Variants in DLG2 observed in about 807,000 individuals in gnomAD.
The protein encoded by DLG2 is discs large MAGUK scaffold protein 2.
In DLG2, 45 loss-of-function variants were observed where a neutral mutation model predicts 132.5. The observed-to-expected ratio is 0.34, with a 90% CI of 0.27 to 0.44. DLG2 has a LOEUF of 0.44. Ranked by LOEUF, DLG2 falls within the 20% of genes least tolerant of loss-of-function variation. The pLI is 1.00. For missense variants in DLG2, 1,045 were observed against 1,196.9 expected, an observed-to-expected ratio of 0.87 and a Z score of 1.87; for synonymous variants, 424 against 419.6, an observed-to-expected ratio of 1.01 and a Z score of -0.13.
At chr11:84,111,919 CT>C (rs1277776841) in intron 9 of DLG2, among the ~76,000 whole-genome samples, 8 of 152,130 alleles carry the variant, frequency 5.3e-5, no homozygotes, top group Non-Finnish European at 1.2e-4. Context: ...CCTTTTATTT[CT>C]ATTTCCACTG....
chr11:83,673,064 A>AAAAACAAAACAAAGC (rs2077099206), intron 18 of DLG2, among the ~76,000 whole-genome samples: 1 of 152,212 alleles, frequency 6.6e-6, no homozygotes, highest in Non-Finnish European at 1.5e-5. Flanking sequence ...AGGCTGTCTC[A>AAAAACAAAACAAAGC]AAAACAAAAC....
intron 6 of DLG2, among the ~76,000 whole-genome samples, chr11:84,558,716 C>G (rs549758882): frequency 4.9e-4 from 75 of 152,300 alleles, no homozygotes; most frequent in Non-Finnish European, 8.5e-4. Context: ...CATTCCAGCT[C>G]TCAGGGCATA....
intron 6 of DLG2, among the ~76,000 whole-genome samples, chr11:84,855,214 C>A (rs1460763353): frequency 1.3e-5 from 2 of 152,066 alleles, no homozygotes; most frequent in African/African-American, 4.8e-5. Context: ...ATTTGAATCT[C>A]ACACTTGGAT....
intron 2 of DLG2, among the ~76,000 whole-genome samples, chr11:85,613,059 TA>T (rs1416763597): frequency 6.6e-6 from 1 of 152,144 alleles, no homozygotes; most frequent in East Asian, 1.9e-4. Flanking sequence ...GTCCGGCGTT[TA>T]TAGGAAAAGG....
intron 7 of DLG2, among the ~76,000 whole-genome samples, chr11:84,443,793 T>G (rs1452409682): frequency 6.6e-6 from 1 of 151,172 alleles, no homozygotes; most frequent in Non-Finnish European, 1.5e-5. Context: ...AATCTTTTAT[T>G]ATGGGTTTTG....
chr11:84,093,156 C>G (rs1299878389), intron 10 of DLG2, among the ~76,000 whole-genome samples: 3 of 152,076 alleles, frequency 2.0e-5, no homozygotes, highest in Non-Finnish European at 4.4e-5. Flanking sequence ...TCTAGCACAG[C>G]GAGGCCAGAA....
At chr11:83,549,836 C>G (rs531825321) in intron 19 of DLG2, among the ~76,000 whole-genome samples, 2 of 152,286 alleles carry the variant, frequency 1.3e-5, no homozygotes, top group South Asian at 4.1e-4. Flanking sequence ...GTGCAGATTT[C>G]TAGTCCTGGC....
intron 5 of DLG2, among the ~76,000 whole-genome samples, chr11:85,151,142 T>C (rs1025501718): frequency 5.3e-5 from 8 of 152,226 alleles, no homozygotes; most frequent in Non-Finnish European, 1.0e-4. Context: ...TTTTCATAGA[T>C]GTATTGGCCA....
rs1352295821 is a variant in DLG2 at position 84,387,465 on chromosome 11, T to TA, written c.520-136175dup. ...ATATTACAATCTCCTCACAAAAAAA[T>TA]AAATAGCCAACTATGGTCAGTGTTC... On this transcript the variant is annotated intron_variant, in intron 7 of 27. Transcript: ENST00000376104. Among the ~76,000 whole-genome samples the TA allele has an allele frequency of 1.3e-5, 2 of 152,166 alleles. 1 individual carries two copies. Among genetic ancestry groups the TA allele is most frequent in the Middle Eastern group, 6.8e-3 (2 of 292 alleles).
intron 18 of DLG2, among the ~76,000 whole-genome samples, chr11:83,698,816 TCC>T (rs2082357906): frequency 7.1e-6 from 1 of 140,410 alleles, no homozygotes; most frequent in Non-Finnish European, 1.6e-5. Flanking sequence ...TATGTTACCT[TCC>T]AGAGTGTGGT....
intron 7 of DLG2, among the ~76,000 whole-genome samples, chr11:84,386,860 T>C (rs1370418255): frequency 3.3e-5 from 5 of 151,752 alleles, no homozygotes; most frequent in Non-Finnish European, 5.9e-5. Context: ...CTGAAAAATA[T>C]AGTACTTCAC....
intron 3 of DLG2, among the ~76,000 whole-genome samples, chr11:85,290,414 C>T (rs1208030182): frequency 2.0e-5 from 3 of 151,986 alleles, no homozygotes; most frequent in African/African-American, 7.2e-5. Flanking sequence ...AGGTACATGG[C>T]TTCTGATCCA....
At chr11:85,145,830 A>C (rs1188922946) in intron 5 of DLG2, among the ~76,000 whole-genome samples, 1 of 151,952 alleles carries the variant, frequency 6.6e-6, no homozygotes, top group Non-Finnish European at 1.5e-5. Flanking sequence ...AGAATTTGTC[A>C]CTGGTGACTT....
At chr11:83,962,157 G>A (rs924130226) in intron 14 of DLG2, among the ~76,000 whole-genome samples, 1 of 151,992 alleles carries the variant, frequency 6.6e-6, no homozygotes, top group Non-Finnish European at 1.5e-5. Flanking sequence ...AACACATATC[G>A]AAATTAAGCA....
At chr11:83,821,229 C>T (rs1028523691) in intron 17 of DLG2, among the ~76,000 whole-genome samples, 1 of 152,124 alleles carries the variant, frequency 6.6e-6, no homozygotes, top group African/African-American at 2.4e-5. Flanking sequence ...CAATGCTGCC[C>T]TTGGGAATTT....
intron 7 of DLG2, among the ~76,000 whole-genome samples, chr11:84,352,435 TAGTGAAACCA>T (rs1158951985): frequency 6.6e-6 from 1 of 152,198 alleles, no homozygotes; most frequent in Non-Finnish European, 1.5e-5. Flanking sequence ...ATAAAATGCA[TAGTGAAACCA>T]AGTGAAATGA....
chr11:83,733,733 T>C (rs1215822794), intron 18 of DLG2, among the ~76,000 whole-genome samples: 1 of 152,234 alleles, frequency 6.6e-6, no homozygotes, highest in Non-Finnish European at 1.5e-5. Flanking sequence ...ATCTAAGAAA[T>C]TTCCAAATGT....
intron 19 of DLG2, among the ~76,000 whole-genome samples, chr11:83,555,555 G>T (rs920206804): frequency 9.9e-5 from 15 of 152,152 alleles, no homozygotes; most frequent in Non-Finnish European, 2.1e-4. Flanking sequence ...TTGTCAGTCT[G>T]TCTGTTTCTC....
At chr11:83,811,048 T>C (rs2047132221) in intron 17 of DLG2, among the ~76,000 whole-genome samples, 1 of 152,082 alleles carries the variant, frequency 6.6e-6, no homozygotes, top group South Asian at 2.1e-4. Flanking sequence ...GGTAGTGTAA[T>C]AGAAGGGAAA....
Sources: gnomAD v4.1 joint callset for allele counts (sites outside exome capture counted in the v4.1 genomes callset) on GRCh38, gnomAD v4.1.1 for gene constraint, MANE v1.5 for transcripts, NCBI Gene and HGNC (gene_info 2026-07-23, HGNC 2026-07-21) for gene names.